The following GALNT13 variants were observed in gnomAD, a reference collection of about 807,000 sequenced individuals.
The protein encoded by GALNT13 is UDP-GalNAc:polypeptide N-acetylgalactosaminyltransferase 13.
GALNT13 carries 28 observed loss-of-function variants against 64.2 expected under a neutral mutation model. The observed-to-expected ratio is 0.44, with a 90% CI of 0.32 to 0.60. The LOEUF (loss-of-function observed/expected upper bound fraction) is 0.60, where lower values mean the gene tolerates loss of function less well. Ranked by LOEUF, GALNT13 falls within the 20% of genes least tolerant of loss-of-function variation. GALNT13 has a pLI of 0.05. For synonymous variants in GALNT13, 214 were observed against 224.6 expected, an observed-to-expected ratio of 0.95 and a Z score of 0.42; for missense variants, 577 against 669.8, an observed-to-expected ratio of 0.86 and a Z score of 1.53.
At chr2:154,112,194 G>A (rs544016556) in intron 3 of GALNT13, among the ~76,000 whole-genome samples, 6 of 152,140 alleles carry the variant, frequency 3.9e-5, no homozygotes, top group Non-Finnish European at 7.4e-5. Flanking sequence ...CTCAGTGTTG[G>A]TCTCTGCTGC....
intron 4 of GALNT13, among the ~76,000 whole-genome samples, chr2:154,194,102 A>C (rs961560155): frequency 6.6e-6 from 1 of 152,202 alleles, no homozygotes; most frequent in African/African-American, 2.4e-5. Flanking sequence ...GCCTAAACTT[A>C]CTGAATTAGA....
At chr2:153,627,905 G>A in the GALNT13 span, among the ~76,000 whole-genome samples, 1 of 152,114 alleles carries the variant, frequency 6.6e-6, no homozygotes, top group Non-Finnish European at 1.5e-5. Flanking sequence ...TTGGTAGCTT[G>A]ATGGGGATGG....
chr2:153,919,645 T>G (rs1303829942), intron 2 of GALNT13, among the ~76,000 whole-genome samples: 1 of 151,910 alleles, frequency 6.6e-6, no homozygotes, highest in East Asian at 1.9e-4. Flanking sequence ...GGGAAATAAA[T>G]AAAATAAATA....
the GALNT13 span, among the ~76,000 whole-genome samples, chr2:153,813,923 A>G: frequency 6.6e-6 from 1 of 152,186 alleles, no homozygotes; most frequent in Non-Finnish European, 1.5e-5. Flanking sequence ...AAGATTCAAG[A>G]TGGCTTTATA....
the GALNT13 span, among the ~76,000 whole-genome samples, chr2:153,748,314 A>T: frequency 6.6e-6 from 1 of 152,150 alleles, no homozygotes; most frequent in Non-Finnish European, 1.5e-5. Flanking sequence ...TTGCTGGATT[A>T]TATAGTAGAT....
chr2:154,371,495 A>C (rs1490174422), intron 9 of GALNT13, among the ~76,000 whole-genome samples: 1 of 152,102 alleles, frequency 6.6e-6, no homozygotes, highest in Admixed American at 6.6e-5. Flanking sequence ...TTTTAATAGA[A>C]AATACAAGAG....
chr2:153,708,063 C>A, the GALNT13 span, among the ~76,000 whole-genome samples: 1 of 152,136 alleles, frequency 6.6e-6, no homozygotes. Context: ...CCCCTACCCA[C>A]AAGTCTTCCC....
the GALNT13 span, among the ~76,000 whole-genome samples, chr2:153,731,371 A>T: frequency 1.3e-5 from 2 of 151,816 alleles, no homozygotes; most frequent in African/African-American, 4.8e-5. Flanking sequence ...TGGGTGAGGG[A>T]TGAGAAATTA....
chr2:154,339,602 T>C (rs1349692321), intron 9 of GALNT13, among the ~76,000 whole-genome samples: 2 of 152,142 alleles, frequency 1.3e-5, no homozygotes, highest in African/African-American at 4.8e-5. Flanking sequence ...AGGAATAGCA[T>C]TTGCTGTGAA....
At chr2:153,372,479 C>T in the GALNT13 span, among the ~76,000 whole-genome samples, 1 of 152,080 alleles carries the variant, frequency 6.6e-6, no homozygotes, top group African/African-American at 2.4e-5. Flanking sequence ...AACCCCGTCT[C>T]TACTAAAAAT....
the GALNT13 span, among the ~76,000 whole-genome samples, chr2:153,388,516 G>A: frequency 6.6e-6 from 1 of 152,036 alleles, no homozygotes; most frequent in Admixed American, 6.6e-5. Context: ...AGGATTTTAG[G>A]TCTATGGAAC....
intron 3 of GALNT13, among the ~76,000 whole-genome samples, chr2:154,096,789 A>C (rs1252107795): frequency 6.6e-6 from 1 of 152,040 alleles, no homozygotes; most frequent in Non-Finnish European, 1.5e-5. Context: ...ACAGGTTCTA[A>C]AAAATTAAAA....
chr2:153,299,909 C>T, the GALNT13 span, among the ~76,000 whole-genome samples: 2 of 152,212 alleles, frequency 1.3e-5, no homozygotes, highest in Non-Finnish European at 2.9e-5. Flanking sequence ...GACAATTTCA[C>T]AAGATTTGCA....
At chr2:153,834,016 A>AT in the GALNT13 span, among the ~76,000 whole-genome samples, 582 of 151,908 alleles carry the variant, frequency 3.8e-3, 7 homozygotes, top group African/African-American at 0.013. Flanking sequence ...TAAAAAATTA[A>AT]TTTTTTTTGT....
chr2:153,725,700 T>C, the GALNT13 span, among the ~76,000 whole-genome samples: 1 of 151,192 alleles, frequency 6.6e-6, no homozygotes, highest in South Asian at 2.1e-4. Flanking sequence ...CAGATGCTAC[T>C]TTTGAGGAAG....
chr2:153,172,681 T>G, the GALNT13 span, among the ~76,000 whole-genome samples: 3 of 152,332 alleles, frequency 2.0e-5, no homozygotes, highest in Middle Eastern at 0.01. Flanking sequence ...CATTAAGGGC[T>G]AGAAGAGTGG....
At chr2:154,269,904 G>GTATATATATATATATATATATATA (rs1404105316) in intron 8 of GALNT13, among the ~76,000 whole-genome samples, 6 of 13,168 alleles carry the variant, frequency 4.6e-4, no homozygotes, top group Admixed American at 1.7e-3. Flanking sequence ...TTATATATAT[G>GTATATATATATATATATATATATA]TGTATATATA....
the GALNT13 span, among the ~76,000 whole-genome samples, chr2:153,630,997 T>G: frequency 6.6e-6 from 1 of 151,004 alleles, no homozygotes; most frequent in African/African-American, 2.4e-5. Context: ...TGTGCGATGT[T>G]CCCCTTCCTG....
At chr2:153,693,919 C>A in the GALNT13 span, among the ~76,000 whole-genome samples, 1 of 151,978 alleles carries the variant, frequency 6.6e-6, no homozygotes, top group East Asian at 1.9e-4. Flanking sequence ...TCAAGACCAT[C>A]CTGGTGAAAC....
Sources: allele counts gnomAD v4.1 joint callset (sites outside exome capture counted in the v4.1 genomes callset), GRCh38; gene constraint gnomAD v4.1.1; transcripts MANE v1.5; gene names NCBI Gene and HGNC (gene_info 2026-07-23, HGNC 2026-07-21).